Variants in LINGO2 observed in about 807,000 individuals in gnomAD.
The protein encoded by LINGO2 is leucine-rich repeat and immunoglobulin-like domain-containing nogo receptor-interacting protein 2.
Under a neutral mutation model 30.6 loss-of-function variants are expected in LINGO2, and 14 were observed. That is an observed-to-expected ratio of 0.46 (90% confidence interval 0.30 to 0.72). The LOEUF (loss-of-function observed/expected upper bound fraction) is 0.72, where lower values mean the gene tolerates loss of function less well. LINGO2 is among the 30% of genes least tolerant of loss of function. The pLI is 0.07. For synonymous variants in LINGO2, 317 were observed against 288.5 expected, an observed-to-expected ratio of 1.10 and a Z score of -1.00; for missense variants, 729 against 751.7, an observed-to-expected ratio of 0.97 and a Z score of 0.35.
At chr9:29,161,536 A>T in the LINGO2 span, among the ~76,000 whole-genome samples, 1 of 152,322 alleles carries the variant, frequency 6.6e-6, no homozygotes, top group Admixed American at 6.5e-5. Flanking sequence ...ATTCTTAGTG[A>T]TTCTCAAACA....
intron 5 of LINGO2, among the ~76,000 whole-genome samples, chr9:28,009,905 C>T (rs1441574462): frequency 6.6e-6 from 1 of 152,156 alleles, no homozygotes. Flanking sequence ...AATATCTATA[C>T]AAAAACTTGC....
At chr9:28,101,556 T>G (rs1826416812) in intron 4 of LINGO2, among the ~76,000 whole-genome samples, 1 of 152,180 alleles carries the variant, frequency 6.6e-6, no homozygotes, top group African/African-American at 2.4e-5. Flanking sequence ...GATTAAACTT[T>G]TTCATCATTC....
At chr9:28,960,278 T>C in the LINGO2 span, among the ~76,000 whole-genome samples, 5 of 152,032 alleles carry the variant, frequency 3.3e-5, no homozygotes, top group African/African-American at 4.8e-5. Context: ...GGCACGAAGA[T>C]TGCTTGAAGC....
intron 1 of LINGO2, among the ~76,000 whole-genome samples, chr9:28,488,532 A>G (rs1826262456): frequency 6.6e-6 from 1 of 152,144 alleles, no homozygotes; most frequent in South Asian, 2.1e-4. Flanking sequence ...TAGCACTGCC[A>G]TTAATTGTTT....
chr9:28,308,813 C>T (rs1050899455), intron 3 of LINGO2, among the ~76,000 whole-genome samples: 2 of 151,902 alleles, frequency 1.3e-5, no homozygotes, highest in African/African-American at 4.8e-5. Context: ...TTTATGCAGC[C>T]AAAAAACACA....
At chr9:28,910,935 T>C in the LINGO2 span, among the ~76,000 whole-genome samples, 2 of 152,052 alleles carry the variant, frequency 1.3e-5, no homozygotes, top group Non-Finnish European at 2.9e-5. Flanking sequence ...AGGAATATAG[T>C]TCAGATTATA....
chr9:28,007,048 C>G (rs1822302071), intron 5 of LINGO2, among the ~76,000 whole-genome samples: 1 of 152,114 alleles, frequency 6.6e-6, no homozygotes, highest in South Asian at 2.1e-4. Flanking sequence ...TTGTGTTTCA[C>G]TAGTCTGTTA....
At chr9:29,034,550 G>A in the LINGO2 span, among the ~76,000 whole-genome samples, 1 of 151,970 alleles carries the variant, frequency 6.6e-6, no homozygotes, top group Non-Finnish European at 1.5e-5. Context: ...CTTTTTTGGA[G>A]AGGTACATTC....
At chr9:28,806,935 A>G in the LINGO2 span, among the ~76,000 whole-genome samples, 1 of 151,944 alleles carries the variant, frequency 6.6e-6, no homozygotes, top group Non-Finnish European at 1.5e-5. Flanking sequence ...ATATTTAGGT[A>G]TAAAAGCATA....
intron 5 of LINGO2, among the ~76,000 whole-genome samples, chr9:28,005,423 C>T (rs942423214): frequency 1.3e-5 from 2 of 152,096 alleles, no homozygotes; most frequent in African/African-American, 4.8e-5. Flanking sequence ...TTTCTCAGGG[C>T]CTCATTTTAT....
the LINGO2 span, among the ~76,000 whole-genome samples, chr9:28,764,588 G>T: frequency 6.6e-6 from 1 of 151,814 alleles, no homozygotes; most frequent in Non-Finnish European, 1.5e-5. Flanking sequence ...CTAGTATTTG[G>T]TACAAGACAA....
At chr9:28,996,558 C>T in the LINGO2 span, among the ~76,000 whole-genome samples, 1 of 152,076 alleles carries the variant, frequency 6.6e-6, no homozygotes, top group African/African-American at 2.4e-5. Flanking sequence ...GTAAGACAGC[C>T]AAGGTAGAAG....
intron 4 of LINGO2, among the ~76,000 whole-genome samples, chr9:28,154,138 C>G (rs956129894): frequency 1.3e-5 from 2 of 152,084 alleles, no homozygotes; most frequent in Admixed American, 1.3e-4. Flanking sequence ...AGGAGACTAT[C>G]TTTTTGGGTG....
intron 4 of LINGO2, among the ~76,000 whole-genome samples, chr9:28,232,954 C>T (rs1249221723): frequency 1.4e-5 from 2 of 146,150 alleles, no homozygotes; most frequent in African/African-American, 2.6e-5. Context: ...CCTGGGGATG[C>T]GTTTAGACTT....
chr9:28,360,303 T>C (rs1035345939), intron 3 of LINGO2, among the ~76,000 whole-genome samples: 5 of 152,184 alleles, frequency 3.3e-5, no homozygotes, highest in African/African-American at 4.8e-5. Context: ...TTTATCATAG[T>C]CCTAAACTTT....
chr9:28,778,213 T>A, the LINGO2 span, among the ~76,000 whole-genome samples: 1 of 152,214 alleles, frequency 6.6e-6, no homozygotes, highest in Admixed American at 6.5e-5. Flanking sequence ...ATTTCCATGT[T>A]ATTTTAAATC....
At chr9:28,991,455 A>T in the LINGO2 span, among the ~76,000 whole-genome samples, 2 of 148,914 alleles carry the variant, frequency 1.3e-5, no homozygotes, top group Non-Finnish European at 3.0e-5. Flanking sequence ...GATATTATCC[A>T]GGAGAACTTC....
intron 1 of LINGO2, among the ~76,000 whole-genome samples, chr9:28,660,118 T>C (rs889059111): frequency 6.6e-5 from 10 of 152,134 alleles, no homozygotes; most frequent in Non-Finnish European, 1.2e-4. Context: ...AAAAATTGCA[T>C]GTAAAATAAT....
intron 2 of LINGO2, among the ~76,000 whole-genome samples, chr9:28,461,319 T>G (rs1487499360): frequency 1.6e-4 from 25 of 152,144 alleles, no homozygotes; most frequent in Admixed American, 1.6e-3. Context: ...ACAGTCTCAG[T>G]GCTCTCTCCC....
Sources: gnomAD v4.1 joint callset for allele counts (sites outside exome capture counted in the v4.1 genomes callset) on GRCh38, gnomAD v4.1.1 for gene constraint, MANE v1.5 for transcripts, NCBI Gene and HGNC (gene_info 2026-07-23, HGNC 2026-07-21) for gene names.